ATP1A4: variants seen among roughly 807,000 people sequenced by gnomAD.
ATP1A4 encodes sodium/potassium-transporting ATPase subunit alpha-4.
A neutral mutation model predicts 114.3 loss-of-function variants in ATP1A4; 90 were observed. That is an observed-to-expected ratio of 0.79 (90% confidence interval 0.66 to 0.94). ATP1A4 has a LOEUF of 0.94. Ranked by LOEUF, ATP1A4 falls within the 40% of genes least tolerant of loss-of-function variation. The pLI is 0.00. For missense variants in ATP1A4, 1,222 were observed against 1,313.6 expected (o/e 0.93, Z 1.08); for synonymous variants, 511 against 494.1 (o/e 1.03, Z -0.45).
chr1:160,164,069 CTA>C, intron 6 of ATP1A4, 85 bp from the exon 7 acceptor site: 1 of 1,509,954 alleles, frequency 6.6e-7, no homozygotes, highest in Non-Finnish European at 9.0e-7. Flanking sequence ...TTTAGAAGCT[CTA>C]TGTCAGGAAG....
At position 160,164,294 on chromosome 1, in the gene ATP1A4, T is replaced by C. The variant is rs756676305; in HGVS notation, c.917T>C (p.Val306Ala). Residue 306 changes from valine to alanine, a missense_variant, in exon 7 of 22, where the codon GTG becomes GCG. By Grantham distance (64) the Val-to-Ala change is moderately conservative (BLOSUM62 0). Coordinates refer to ENST00000368081, the MANE Select transcript of ATP1A4 (RefSeq NM_144699.4). ...IEHFIHLITV[V>A]AVFLGVTFFA... ...CACTTCATCCATCTGATCACTGTGG[T>C]GGCCGTCTTCCTTGGTGTCACTTTT... 3.1e-6 allele frequency: 5 copies of C among 1,614,080 alleles called. No individual in the cohort carries two copies. Among genetic ancestry groups the C allele is most frequent in the Non-Finnish European group, 4.2e-6 (5 of 1,180,026 alleles).
intron 6 of ATP1A4, among the ~76,000 whole-genome samples, chr1:160,160,304 C>A (rs1047137386): frequency 2.0e-5 from 3 of 152,106 alleles, no homozygotes; most frequent in African/African-American, 7.2e-5. Context: ...GCAACCTCTG[C>A]CTCCCAAGTT....
Position 160,171,379 on chromosome 1 carries a change from A to G in ATP1A4, c.1620A>G (p.Glu540=). ...LNGQEYSMND[E]MKEAFQNAYL... ...GGCAGGAGTACTCAATGAACGATGA[A>G]ATGAAGGAAGCCTTCCAAAATGCCT... is the stretch of plus-strand genomic sequence containing the variant. Residue 540 remains glutamate, a synonymous_variant, in exon 11 of 22, where the codon GAA becomes GAG. Coordinates refer to ENST00000368081, the MANE Select transcript of ATP1A4 (RefSeq NM_144699.4). 6.2e-7 allele frequency: 1 copy of G among 1,614,192 alleles called. No individual in the cohort carries two copies. Among genetic ancestry groups the G allele is most frequent in the Non-Finnish European group, 8.5e-7 (1 of 1,180,040 alleles).
At position 160,174,614 on chromosome 1, in the gene ATP1A4, C is replaced by T. The variant is rs201516832; in HGVS notation, c.2178C>T (p.Asn726=). ...TGGCCGTGACAGGTGACGGGGTGAA[C>T]GACTCCCCTGCGCTGAAGAAGGCTG... ...AVVAVTGDGV[N]DSPALKKADI... is the part of the protein sequence containing the mutation. Residue 726 remains asparagine, a synonymous_variant, in exon 15 of 22, where the codon AAC becomes AAT. Transcript: ENST00000368081. 70 of 1,614,116 alleles carry T rather than the reference C, an allele frequency of 4.3e-5. No homozygotes were observed. The East Asian group carries it at 5.6e-4, about 13-fold the overall frequency.
At position 160,152,090 on chromosome 1, in the gene ATP1A4, C is replaced by T. The variant is rs1270993464; in HGVS notation, c.50C>T (p.Pro17Leu). The change falls in exon 1 of 22, where the codon CCA becomes CTA. Residue 17 changes from proline to leucine, a missense_variant. Pro to Leu is a moderately conservative substitution (Grantham distance 98, BLOSUM62 -3). Transcript: ENST00000368081. ...ACAGTGGCTCCCCATGACCAGAGTC[C>T]AAGACGAAGACCTAAAAAAGGGCTT... ...KGTVAPHDQSPRRRPKKGLIK... is the reference protein window; with the variant it reads ...KGTVAPHDQSLRRRPKKGLIK... The T allele has an allele frequency of 2.5e-6, 4 of 1,613,680 alleles. No homozygotes were observed. Among genetic ancestry groups the T allele is most frequent in the Non-Finnish European group, 2.5e-6 (3 of 1,179,956 alleles).
At chr1:160,177,990 A>G (rs769215169) in intron 18 of ATP1A4, among the ~76,000 whole-genome samples, 1 of 152,210 alleles carries the variant, frequency 6.6e-6, no homozygotes, top group Non-Finnish European at 1.5e-5. Context: ...GGTTTCAACC[A>G]TGATTGCCCC....
At chr1:160,160,936 T>G (rs1195994441) in intron 6 of ATP1A4, among the ~76,000 whole-genome samples, 1 of 152,222 alleles carries the variant, frequency 6.6e-6, no homozygotes, top group Non-Finnish European at 1.5e-5. Context: ...CTATTAGATT[T>G]TAGGAAAAAA....
intron 13 of ATP1A4, 137 bp downstream of exon 13, chr1:160,173,854 C>T (rs952763962): frequency 6.7e-6 from 8 of 1,194,000 alleles, no homozygotes; most frequent in Non-Finnish European, 9.3e-6. Context: ...CAAAGTAAAA[C>T]ATAATAGGAA....
In ATP1A4 at chr1:160,166,559, C is replaced by A; in HGVS notation, c.1079C>A (p.Ala360Glu). 6.2e-7 allele frequency: 1 copy of A among 1,614,244 alleles called. No individual in the cohort carries two copies. Among genetic ancestry groups the A allele is most frequent in the Non-Finnish European group, 8.5e-7 (1 of 1,180,044 alleles). Residue 360 changes from alanine to glutamate, a missense_variant, in exon 8 of 22, where the codon GCG becomes GAG. By Grantham distance (107) the Ala-to-Glu change is moderately radical. Coordinates refer to ENST00000368081, the MANE Select transcript of ATP1A4 (RefSeq NM_144699.4). ...VCLTLTAKRM[A>E]RKNCLVKNLE... Reference sequence around the variant, plus strand: ...CTGACCCTCACAGCCAAGCGCATGGCGCGGAAGAACTGCCTGGTGAAGAAC... The same window carrying A: ...CTGACCCTCACAGCCAAGCGCATGGAGCGGAAGAACTGCCTGGTGAAGAAC...
Position 160,159,024 on chromosome 1 carries a change from G to A in ATP1A4, c.548G>A (p.Gly183Glu), listed in dbSNP as rs1237905625. 5.6e-6 allele frequency: 9 copies of A among 1,613,952 alleles called. No individual in the cohort carries two copies. Among genetic ancestry groups the A allele is most frequent in the Non-Finnish European group, 3.4e-6 (4 of 1,179,970 alleles). Residue 183 changes from glycine to glutamate, a missense_variant, in exon 5 of 22, where the codon GGA (glycine) becomes GAA (glutamate). By Grantham distance (98) the Gly-to-Glu change is moderately conservative (BLOSUM62 -2). Coordinates refer to ENST00000368081, the MANE Select transcript of ATP1A4 (RefSeq NM_144699.4). ...VPQQALVIRG[G>E]EKMQINVQEV... ...TAGCAAGCTCTGGTAATTCGAGGAG[G>A]AGAGAAGATGCAAATTAATGTACAA...
chr1:160,169,140 G>T (rs1465495538), intron 10 of ATP1A4, among the ~76,000 whole-genome samples: 1 of 152,228 alleles, frequency 6.6e-6, no homozygotes, highest in Non-Finnish European at 1.5e-5. Flanking sequence ...GCTCTGGCAG[G>T]CACTTGTTCT....
At chr1:160,179,124 A>T (rs935589463) in intron 18 of ATP1A4, among the ~76,000 whole-genome samples, 2 of 152,210 alleles carry the variant, frequency 1.3e-5, no homozygotes, top group African/African-American at 4.8e-5. Flanking sequence ...AACCAAGCCA[A>T]TTGCAGGTTT....
Position 160,166,507 on chromosome 1 carries a change from C to T in ATP1A4, c.1048-21C>T, listed in dbSNP as rs190709956. 2,667 of 1,613,784 alleles carry T rather than the reference C, an allele frequency of 1.7e-3. 3 individuals are homozygous for T. Among genetic ancestry groups the T allele is most frequent in the Non-Finnish European group, 2.1e-3 (2,476 of 1,179,694 alleles). On this transcript the variant is annotated intron_variant, in intron 7 of 21. Coordinates refer to ENST00000368081, the MANE Select transcript of ATP1A4 (RefSeq NM_144699.4). ...GTATTCCATCTCCCATGTGTATTCT[C>T]TCCTCTCTTCTTGGCTTTAGGTGTG...
intron 8 of ATP1A4, 85 bp from the exon 9 acceptor site, chr1:160,166,883 T>C: frequency 1.3e-6 from 2 of 1,507,192 alleles, no homozygotes; most frequent in Non-Finnish European, 1.8e-6. Flanking sequence ...TCCTGTGAAG[T>C]ATCTGGGTGC....
intron 6 of ATP1A4, among the ~76,000 whole-genome samples, chr1:160,161,341 C>T (rs149838261): frequency 2.2e-3 from 336 of 152,338 alleles, no homozygotes; most frequent in South Asian, 8.5e-3. Flanking sequence ...GTGGCACAGA[C>T]TTCTCTTTGG....
intron 10 of ATP1A4, chr1:160,170,167 G>A (rs1653193340): frequency 6.6e-6 from 1 of 152,210 alleles, no homozygotes; most frequent in South Asian, 2.1e-4. Context: ...GGCGGTGCCT[G>A]TAATCCCAGC....
At chr1:160,154,857 A>G (rs1652578877) in intron 2 of ATP1A4, among the ~76,000 whole-genome samples, 188 bp from the exon 3 acceptor site, 1 of 152,212 alleles carries the variant, frequency 6.6e-6, no homozygotes, top group Non-Finnish European at 1.5e-5. Flanking sequence ...TAAGCATGCT[A>G]AATGACATCC....
In ATP1A4 at chr1:160,174,218, C is replaced by A; in HGVS notation, c.2099C>A (p.Ser700Tyr). 6.2e-7 allele frequency: 1 copy of A among 1,614,118 alleles called. No individual in the cohort carries two copies. Among genetic ancestry groups the A allele is most frequent in the Non-Finnish European group, 8.5e-7 (1 of 1,180,032 alleles). Residue 700 changes from serine to tyrosine, a missense_variant, in exon 14 of 22, where the codon TCC (serine) becomes TAC (tyrosine). Coordinates refer to ENST00000368081, the MANE Select transcript of ATP1A4 (RefSeq NM_144699.4). ...NHPEIVFART[S>Y]PQQKLIIVEG... is the part of the protein sequence containing the mutation. Reference sequence around the variant, plus strand: ...CCTGAGATCGTGTTTGCTCGGACCTCCCCTCAGCAGAAGCTCATCATTGTC... The same window carrying A: ...CCTGAGATCGTGTTTGCTCGGACCTACCCTCAGCAGAAGCTCATCATTGTC...
intron 16 of ATP1A4, 58 bp downstream of exon 16, chr1:160,176,304 C>A: frequency 1.2e-6 from 2 of 1,606,860 alleles, no homozygotes; most frequent in South Asian, 1.1e-5. Flanking sequence ...AAGCTCCCTG[C>A]TTTCTGCCTG....
Sources: gnomAD v4.1 joint callset for allele counts (sites outside exome capture counted in the v4.1 genomes callset) on GRCh38, gnomAD v4.1.1 for gene constraint, MANE v1.5 for transcripts, NCBI Gene and HGNC (gene_info 2026-07-23, HGNC 2026-07-21) for gene names.